Variants in TNC observed in about 807,000 individuals in gnomAD.
The protein encoded by TNC is tenascin.
In TNC, 109 loss-of-function variants were observed where a neutral mutation model predicts 202.4. The ratio of observed to expected loss-of-function variants is 0.54; its 90% CI spans 0.46 to 0.63. The LOEUF is 0.63. Among genes scored for constraint, TNC ranks in the 30% least tolerant of loss-of-function variants. The pLI, the probability that TNC is intolerant of heterozygous loss-of-function variation, is 0.00. For missense variants in TNC, 2,756 were observed against 2,833.3 expected (o/e 0.97, Z 0.62); for synonymous variants, 1,007 against 1,089.7 (o/e 0.92, Z 1.50).
intron 20 of TNC, among the ~76,000 whole-genome samples, chr9:115,037,661 G>T (rs1830435859): frequency 6.6e-6 from 1 of 152,134 alleles, no homozygotes; most frequent in Non-Finnish European, 1.5e-5. Context: ...CCGAGTAGCT[G>T]GGACTACAGG....
chr9:115,049,584 G>A (rs1213896236), intron 15 of TNC, among the ~76,000 whole-genome samples: 15 of 152,004 alleles, frequency 9.9e-5, no homozygotes, highest in Admixed American at 9.8e-4. Flanking sequence ...GCAATCCTGA[G>A]GGATAAGGAG....
intron 17 of TNC, 42 bp downstream of exon 17, chr9:115,046,368 A>C: frequency 6.2e-7 from 1 of 1,604,138 alleles, no homozygotes; most frequent in Non-Finnish European, 8.5e-7. Flanking sequence ...AAGACCCCTG[A>C]GTCATGACTT....
intron 1 of TNC, among the ~76,000 whole-genome samples, chr9:115,098,737 A>G (rs1312200236): frequency 1.3e-5 from 2 of 152,176 alleles, no homozygotes; most frequent in Non-Finnish European, 2.9e-5. Context: ...GCAACCCATG[A>G]GGCAGCTTAC....
chr9:115,056,028 G>A (rs946044828), intron 15 of TNC, among the ~76,000 whole-genome samples: 5 of 152,058 alleles, frequency 3.3e-5, no homozygotes, highest in African/African-American at 9.7e-5. Flanking sequence ...TCACCCTGAC[G>A]ACAATTTGTA....
intron 9 of TNC, 70 bp downstream of exon 9, chr9:115,075,962 T>G: frequency 7.4e-7 from 1 of 1,357,012 alleles, no homozygotes; most frequent in Non-Finnish European, 1.1e-6. Context: ...AAATAGGTTT[T>G]GGCCACATTG....
chr9:115,106,394 A>C (rs1157452085), intron 1 of TNC, among the ~76,000 whole-genome samples: 1 of 152,222 alleles, frequency 6.6e-6, no homozygotes, highest in Non-Finnish European at 1.5e-5. Flanking sequence ...GTTCAAGTTA[A>C]AGAATTAATA....
rs376159349 is a variant in TNC at position 115,086,951 on chromosome 9, G to A, written c.780C>T (p.His260=). Residue 260 remains histidine, a synonymous_variant, in exon 3 of 28, where the codon CAC becomes CAT. Coordinates refer to ENST00000350763, the MANE Select transcript of TNC (RefSeq NM_002160.4). ...EICPVPCSEE[H]GTCVDGLCVC... is the part of the protein sequence containing the mutation. Reference sequence around the variant, plus strand: ...CACACAAGCCATCTACACATGTGCCGTGCTCCTCACTGCAGGGCACTGGGC... The same window carrying A: ...CACACAAGCCATCTACACATGTGCCATGCTCCTCACTGCAGGGCACTGGGC... 56 of 1,614,056 alleles carry A rather than the reference G, an allele frequency of 3.5e-5. No individual in the cohort carries two copies. The highest frequency in any genetic ancestry group is 1.6e-4 in the Middle Eastern group (1 of 6,084).
chr9:115,030,374 G>A lies in TNC; in HGVS notation c.5952C>T (p.Cys1984=), dbSNP rs1304914240. Residue 1984 remains cysteine, a synonymous_variant, in exon 24 of 28, where the codon TGC becomes TGT. Coordinates refer to ENST00000350763, the MANE Select transcript of TNC (RefSeq NM_002160.4). Reference sequence around the variant, plus strand: ...TGTCTCCATTCAGCATTGCTTGGGAGCAGTCCTTGGGGAAGGGGTACAGGA... The same window carrying A: ...TGTCTCCATTCAGCATTGCTTGGGAACAGTCCTTGGGGAAGGGGTACAGGA... ...IGLLYPFPKD[C]SQAMLNGDTT... 6.2e-7 allele frequency: 1 copy of A among 1,614,014 alleles called. No homozygotes were observed. The highest frequency in any genetic ancestry group is 1.3e-5 in the African/African-American group (1 of 75,052).
chr9:115,021,838 AT>A lies in TNC; in HGVS notation c.6496-572del, dbSNP rs529143599. Among the ~76,000 whole-genome samples the A allele has an allele frequency of 5.3e-3, 800 of 151,564 alleles. 6 individuals carry two copies. The highest frequency in any genetic ancestry group is 0.019 in the African/African-American group (769 of 41,282). On this transcript the variant is annotated intron_variant, in intron 27 of 27. Transcript: ENST00000350763. The stretch of plus-strand genomic sequence containing the variant: ...ATATCTTCTGAGCCTCGGTTTTACT[AT>A]TTTTTTTTCTTTCTTAAGATCTGAT...
rs1832812199 is a variant in TNC, at chr9:115,064,743, T to C, written c.3391A>G (p.Ile1131Val). The change falls in exon 11 of 28, where the codon ATA becomes GTA. Residue 1131 changes from isoleucine to valine, a missense_variant. Physicochemically the swap from Ile to Val is conservative, Grantham distance 29 (BLOSUM62 3). Transcript: ENST00000350763. ...GGCGTAGCAGCCTTGAGGCCCGGTA[T>C]GTCCACAGCCCGAAGGCTGCCAGGC... is the stretch of plus-strand genomic sequence containing the variant. ...TVPGSLRAVDIPGLKAATPYT... is the reference protein window; with the variant it reads ...TVPGSLRAVDVPGLKAATPYT... 1 of 1,614,182 alleles carries C rather than the reference T, an allele frequency of 6.2e-7. No individual in the cohort carries two copies. Among genetic ancestry groups the C allele is most frequent in the Non-Finnish European group, 8.5e-7 (1 of 1,180,030 alleles).
At position 115,035,275 on chromosome 9, in the gene TNC, T is replaced by C; in HGVS notation, c.5716A>G (p.Thr1906Ala). ...ACTGATGCCCGGGGGGGTCGCCAGG[T>C]AAGGAGGGCAGTTTCCGACTGAACC... ...TEVQSETALL[T>A]WRPPRASVTG... Residue 1906 changes from threonine (T) to alanine (A), a missense_variant, in exon 22 of 28, where the codon ACC becomes GCC. Around this residue, in one of 2 missense-constraint regions of TNC, gnomAD observed 2,559 missense variants for 2,546.0 expected, o/e 1.01. Coordinates refer to ENST00000350763, the MANE Select transcript of TNC (RefSeq NM_002160.4). The C allele has an allele frequency of 6.2e-7, 1 of 1,613,514 alleles. No individual in the cohort carries two copies. Among genetic ancestry groups the C allele is most frequent in the Non-Finnish European group, 8.5e-7 (1 of 1,179,754 alleles).
chr9:115,094,097 C>T (rs183720348), intron 1 of TNC, among the ~76,000 whole-genome samples: 21 of 152,268 alleles, frequency 1.4e-4, no homozygotes, highest in African/African-American at 5.1e-4. Context: ...ACAAAGGAGT[C>T]AAAACCTTTC....
At chr9:115,050,049 C>G (rs1358025504) in intron 15 of TNC, among the ~76,000 whole-genome samples, 1 of 152,104 alleles carries the variant, frequency 6.6e-6, no homozygotes, top group Non-Finnish European at 1.5e-5. Flanking sequence ...ATCTCTTATA[C>G]TGGGCAAACA....
At chr9:115,112,093 C>A (rs769906236) in intron 1 of TNC, among the ~76,000 whole-genome samples, 1 of 152,100 alleles carries the variant, frequency 6.6e-6, no homozygotes, top group South Asian at 2.1e-4. Flanking sequence ...TGGCTCGGTC[C>A]GTGTGAGTTA....
At chr9:115,094,954 T>A (rs1835525344) in intron 1 of TNC, among the ~76,000 whole-genome samples, 1 of 151,972 alleles carries the variant, frequency 6.6e-6, no homozygotes, top group Non-Finnish European at 1.5e-5. Flanking sequence ...AAGACTTTTC[T>A]AGTTGGAATT....
intron 6 of TNC, among the ~76,000 whole-genome samples, chr9:115,080,286 GCTTTGTCTTTT>G (rs1315116568): frequency 1.3e-5 from 2 of 151,274 alleles, no homozygotes; most frequent in Non-Finnish European, 2.9e-5. Flanking sequence ...CTAAGCATTT[GCTTTGTCTTTT>G]CTTTGTCTTT....
In TNC at chr9:115,023,924, C is replaced by T. The variant is rs778481449; in HGVS notation, c.6495+49G>A. On this transcript the variant is annotated intron_variant, in intron 27 of 27. Coordinates refer to ENST00000350763, the MANE Select transcript of TNC (RefSeq NM_002160.4). ...GTTAAATTGTACTTCCATTAGCCCC[C>T]TCCAGCTTCCCAAGCTTGGCCTGCT... is the stretch of plus-strand genomic sequence containing the variant. The T allele has an allele frequency of 3.1e-6, 5 of 1,589,308 alleles. No homozygotes were observed. The Admixed American group carries it at 8.4e-5, about 27-fold the overall frequency.
chr9:115,064,691 A>G lies in TNC; in HGVS notation c.3443T>C (p.Ile1148Thr). Residue 1148 changes from isoleucine (I) to threonine (T), a missense_variant, in exon 11 of 28, where the codon ATC (isoleucine) becomes ACC (threonine). Ile to Thr is a moderately conservative substitution (Grantham distance 89). Coordinates refer to ENST00000350763, the MANE Select transcript of TNC (RefSeq NM_002160.4). ...GAGCACTGGTGTTCTATAGCCCTGG[A>G]TCACCCCATAGATGGAGACTGTATA... ...TPYTVSIYGV[I>T]QGYRTPVLSA... The G allele has an allele frequency of 6.2e-7, 1 of 1,614,100 alleles. No individual in the cohort carries two copies. The highest frequency in any genetic ancestry group is 8.5e-7 in the Non-Finnish European group (1 of 1,179,962).
chr9:115,040,416 C>A (rs1170103877), intron 19 of TNC, among the ~76,000 whole-genome samples: 2 of 152,150 alleles, frequency 1.3e-5, no homozygotes, highest in East Asian at 3.9e-4. Flanking sequence ...ATGTGAAACA[C>A]CTGCTTTGAG....
Sources: allele counts gnomAD v4.1 joint callset (sites outside exome capture counted in the v4.1 genomes callset), GRCh38; gene constraint gnomAD v4.1.1; regional missense constraint gnomAD v4.1.1; transcripts MANE v1.5; gene names NCBI Gene and HGNC (gene_info 2026-07-23, HGNC 2026-07-21).